The following SCHIP1 variants were observed in gnomAD, a reference collection of about 807,000 sequenced individuals.
SCHIP1 encodes the protein schwannomin interacting protein 1.
A neutral mutation model predicts 29.7 loss-of-function variants in SCHIP1; 8 were observed. The observed-to-expected ratio is 0.27, with a 90% CI of 0.16 to 0.49. The LOEUF (loss-of-function observed/expected upper bound fraction) is 0.49, where lower values mean the gene tolerates loss of function less well. Ranked by LOEUF, SCHIP1 falls within the 20% of genes least tolerant of loss-of-function variation. SCHIP1 has a pLI of 0.99. For synonymous variants in SCHIP1, 76 were observed against 94.9 expected, an observed-to-expected ratio of 0.80 and a Z score of 1.16; for missense variants, 193 against 294.6, an observed-to-expected ratio of 0.66 and a Z score of 2.52.
chr3:159,349,853 C>T, the SCHIP1 span, among the ~76,000 whole-genome samples: 1 of 152,104 alleles, frequency 6.6e-6, no homozygotes, highest in Admixed American at 6.6e-5. Flanking sequence ...TTTGAACTTT[C>T]TAGAAAATGA....
chr3:159,621,734 C>T, the SCHIP1 span, among the ~76,000 whole-genome samples: 3 of 151,748 alleles, frequency 2.0e-5, no homozygotes, highest in East Asian at 3.9e-4. Context: ...GGTATGATCT[C>T]GTCCCACTGC....
At chr3:159,452,269 AG>A in the SCHIP1 span, among the ~76,000 whole-genome samples, 130 of 151,970 alleles carry the variant, frequency 8.6e-4, no homozygotes, top group Non-Finnish European at 1.4e-3. Context: ...CACATGAATT[AG>A]GTATTTGTCT....
At chr3:159,840,335 C>T in intron 1 of SCHIP1, 1 of 814,090 alleles carries the variant, frequency 1.2e-6, no homozygotes, top group South Asian at 1.5e-5. Flanking sequence ...CGCGCCTGGC[C>T]TTCATCACGT....
At chr3:159,358,960 G>T in the SCHIP1 span, among the ~76,000 whole-genome samples, 1 of 106,444 alleles carries the variant, frequency 9.4e-6, no homozygotes, top group Non-Finnish European at 1.7e-5. Context: ...ACAGAGTCTT[G>T]CTCTGTTGCC....
At chr3:159,281,079 G>A in the SCHIP1 span, among the ~76,000 whole-genome samples, 1 of 151,990 alleles carries the variant, frequency 6.6e-6, no homozygotes, top group Non-Finnish European at 1.5e-5. Flanking sequence ...GAAGATCACA[G>A]GACCTTTATA....
At chr3:159,579,902 G>A in the SCHIP1 span, among the ~76,000 whole-genome samples, 1 of 152,054 alleles carries the variant, frequency 6.6e-6, no homozygotes, top group Non-Finnish European at 1.5e-5. Flanking sequence ...CAGAAACTGA[G>A]GGCAAGGGAA....
the SCHIP1 span, among the ~76,000 whole-genome samples, chr3:159,291,166 C>T: frequency 6.6e-6 from 1 of 151,894 alleles, no homozygotes; most frequent in Non-Finnish European, 1.5e-5. Flanking sequence ...TGTGAAAGTA[C>T]ACAGAGGTTT....
the SCHIP1 span, among the ~76,000 whole-genome samples, chr3:159,296,705 G>A: frequency 1.3e-5 from 2 of 152,042 alleles, no homozygotes; most frequent in Admixed American, 6.5e-5. Flanking sequence ...CCTGGGAGGT[G>A]GAGGTTTCAG....
the SCHIP1 span, among the ~76,000 whole-genome samples, chr3:159,577,711 C>T: frequency 6.6e-6 from 1 of 152,124 alleles, no homozygotes; most frequent in African/African-American, 2.4e-5. Context: ...ACCATTTTAC[C>T]TTGAAGGCAG....
the SCHIP1 span, among the ~76,000 whole-genome samples, chr3:159,604,580 T>C: frequency 6.6e-6 from 1 of 152,316 alleles, no homozygotes; most frequent in Non-Finnish European, 1.5e-5. Flanking sequence ...CATTCACAGC[T>C]TACTAGGGAA....
At chr3:159,287,814 G>A in the SCHIP1 span, among the ~76,000 whole-genome samples, 1 of 152,228 alleles carries the variant, frequency 6.6e-6, no homozygotes, top group Admixed American at 6.5e-5. Context: ...TCAGCATGCT[G>A]GATCTTAACT....
chr3:159,708,615 A>C, the SCHIP1 span, among the ~76,000 whole-genome samples: 1 of 152,214 alleles, frequency 6.6e-6, no homozygotes, highest in Non-Finnish European at 1.5e-5. Context: ...CCAATGGTCC[A>C]CTCAAAGAAT....
At chr3:159,644,820 T>C in the SCHIP1 span, among the ~76,000 whole-genome samples, 1 of 152,152 alleles carries the variant, frequency 6.6e-6, no homozygotes, top group African/African-American at 2.4e-5. Flanking sequence ...GGAAAGAGAC[T>C]ATCAGTCAAA....
At chr3:159,709,882 G>C in the SCHIP1 span, among the ~76,000 whole-genome samples, 2 of 152,140 alleles carry the variant, frequency 1.3e-5, no homozygotes, top group South Asian at 4.1e-4. Context: ...ATTAAACATA[G>C]TACAATAAAA....
the SCHIP1 span, among the ~76,000 whole-genome samples, chr3:159,543,199 TTTTG>T: frequency 5.9e-5 from 9 of 151,666 alleles, no homozygotes; most frequent in African/African-American, 2.2e-4. Context: ...TTTTGTTTTG[TTTTG>T]TTTTTTTATT....
At chr3:159,302,444 C>T in the SCHIP1 span, among the ~76,000 whole-genome samples, 1 of 151,976 alleles carries the variant, frequency 6.6e-6, no homozygotes, top group African/African-American at 2.4e-5. Flanking sequence ...TTACATTTCC[C>T]CCAAGGGATA....
At chr3:159,516,694 C>A in the SCHIP1 span, among the ~76,000 whole-genome samples, 3 of 152,132 alleles carry the variant, frequency 2.0e-5, no homozygotes, top group Non-Finnish European at 4.4e-5. Context: ...CCTCTACAGT[C>A]TGACACGAAT....
At chr3:159,729,149 AAAAAG>A in the SCHIP1 span, among the ~76,000 whole-genome samples, 2 of 152,100 alleles carry the variant, frequency 1.3e-5, no homozygotes, top group African/African-American at 4.8e-5. Flanking sequence ...TCTGTCTAAA[AAAAAG>A]AAAAGAAAAG....
chr3:159,884,389 G>GTGT (rs1372477378), intron 2 of SCHIP1, among the ~76,000 whole-genome samples: 1 of 148,106 alleles, frequency 6.8e-6, no homozygotes, highest in Non-Finnish European at 1.5e-5. Flanking sequence ...GTGTGTGTGT[G>GTGT]TTTATGTATG....
Sources: allele counts gnomAD v4.1 joint callset (sites outside exome capture counted in the v4.1 genomes callset), GRCh38; gene constraint gnomAD v4.1.1; transcripts MANE v1.5; gene names NCBI Gene and HGNC (gene_info 2026-07-23, HGNC 2026-07-21).